The following CCNY variants were observed in gnomAD, a reference collection of about 807,000 sequenced individuals.
CCNY encodes cyclin Y.
A neutral mutation model predicts 42.8 loss-of-function variants in CCNY; 19 were observed. The ratio of observed to expected loss-of-function variants is 0.44; its 90% CI spans 0.31 to 0.65. The LOEUF (loss-of-function observed/expected upper bound fraction) is 0.65. Among genes scored for constraint, CCNY ranks in the 30% least tolerant of loss-of-function variants. The pLI is 0.07. For synonymous variants in CCNY, 165 were observed against 162.7 expected (o/e 1.01, Z -0.11); for missense variants, 370 against 437.3 (o/e 0.85, Z 1.37).
At chr10:35,270,728 C>CT (rs11411285) in intron 3 of CCNY, among the ~76,000 whole-genome samples, 52,610 of 124,680 alleles carry the variant, frequency 0.42, 12,278 homozygotes, top group African/African-American at 0.61. Context: ...TTTTTTTTTT[C>CT]TTTTTTTTTT....
chr10:35,299,980 A>G (rs1356494602), intron 3 of CCNY, among the ~76,000 whole-genome samples: 1 of 152,230 alleles, frequency 6.6e-6, no homozygotes, highest in Non-Finnish European at 1.5e-5. Flanking sequence ...ACCTTCAAAT[A>G]ATATGATGCC....
intron 5 of CCNY, among the ~76,000 whole-genome samples, chr10:35,528,765 T>A (rs948868619): frequency 6.6e-6 from 1 of 152,208 alleles, no homozygotes; most frequent in Non-Finnish European, 1.5e-5. Flanking sequence ...AATGTAGGAA[T>A]GAAAATTGAG....
chr10:35,412,112 A>G (rs1204970355), intron 1 of CCNY, among the ~76,000 whole-genome samples: 4 of 152,130 alleles, frequency 2.6e-5, no homozygotes, highest in Admixed American at 1.3e-4. Context: ...GTTTGCCTCC[A>G]TCTAATTGGC....
intron 3 of CCNY, among the ~76,000 whole-genome samples, chr10:35,273,710 C>T (rs938566563): frequency 1.3e-4 from 20 of 152,276 alleles, no homozygotes; most frequent in Admixed American, 2.6e-4. Context: ...CATCAACTCT[C>T]GCGAACCACT....
chr10:35,499,296 G>A (rs1000616213), intron 2 of CCNY, among the ~76,000 whole-genome samples: 10 of 152,118 alleles, frequency 6.6e-5, no homozygotes, highest in African/African-American at 2.2e-4. Flanking sequence ...CTCACATCGC[G>A]GCAGAGAAGA....
chr10:35,326,225 C>T (rs181585803), intron 3 of CCNY, among the ~76,000 whole-genome samples: 1 of 151,598 alleles, frequency 6.6e-6, no homozygotes, highest in African/African-American at 2.4e-5. Context: ...GAGTGCCTGG[C>T]CTGGAAAATA....
intron 1 of CCNY, among the ~76,000 whole-genome samples, chr10:35,436,173 A>C (rs1589120269): frequency 6.6e-6 from 1 of 152,074 alleles, no homozygotes; most frequent in East Asian, 1.9e-4. Flanking sequence ...CCCAGGAGTG[A>C]CTTGTGGGAC....
chr10:35,437,901 A>C (rs908406746), intron 1 of CCNY, among the ~76,000 whole-genome samples: 1 of 152,192 alleles, frequency 6.6e-6, no homozygotes, highest in Admixed American at 6.5e-5. Flanking sequence ...TAAAATTAAC[A>C]ATACTAAATA....
intron 4 of CCNY, among the ~76,000 whole-genome samples, chr10:35,517,987 C>T (rs189267625): frequency 1.3e-5 from 2 of 152,304 alleles, no homozygotes; most frequent in South Asian, 4.1e-4. Flanking sequence ...TCTGAGGAGC[C>T]CAGAACAGAA....
intron 7 of CCNY, among the ~76,000 whole-genome samples, chr10:35,548,524 C>T (rs1841169205): frequency 6.6e-6 from 1 of 152,034 alleles, no homozygotes; most frequent in African/African-American, 2.4e-5. Flanking sequence ...TCTCGATCTC[C>T]TGACCTTGTG....
intron 3 of CCNY, among the ~76,000 whole-genome samples, chr10:35,331,504 T>C (rs1296525916): frequency 6.6e-6 from 1 of 152,162 alleles, no homozygotes; most frequent in Non-Finnish European, 1.5e-5. Context: ...GCTGTCCCTG[T>C]TTCATCATGC....
chr10:35,314,415 G>A (rs1030909934), intron 3 of CCNY: 1 of 152,050 alleles, frequency 6.6e-6, no homozygotes, highest in Non-Finnish European at 1.5e-5. Flanking sequence ...ACCACCAAGA[G>A]AACAGTATGG....
In CCNY at chr10:35,307,750, A is replaced by ATG. The variant is rs1486313690; in HGVS notation, c.-9+57128_-9+57129dup. On this transcript the variant is annotated intron_variant, in intron 3 of 11. Transcript: ENST00000374706. The stretch of plus-strand genomic sequence containing the variant: ...CATATATGTATATATATACATATTG[A>ATG]TGTGTATATATGTGTGTGTGTGTGT... Among the ~76,000 whole-genome samples the ATG allele has an allele frequency of 1.5e-4, 20 of 132,376 alleles. No individual in the cohort carries two copies. In the South Asian group the frequency reaches 2.0e-3, roughly 13 times the overall value. 86.8% of individuals were successfully genotyped at this position (132,376 alleles called of 152,430 possible).
chr10:35,275,567 TC>T (rs1835228432), intron 3 of CCNY, among the ~76,000 whole-genome samples: 1 of 151,364 alleles, frequency 6.6e-6, no homozygotes, highest in Non-Finnish European at 1.5e-5. Context: ...ATCAAGACCA[TC>T]CCGGCTAACA....
chr10:35,351,127 C>T (rs1375808974), intron 1 of CCNY, among the ~76,000 whole-genome samples: 1 of 152,182 alleles, frequency 6.6e-6, no homozygotes, highest in African/African-American at 2.4e-5. Context: ...GTTTTCAACA[C>T]TGCTATTACA....
intron 1 of CCNY, among the ~76,000 whole-genome samples, chr10:35,458,397 A>G (rs1589134047): frequency 6.6e-6 from 1 of 152,260 alleles, no homozygotes; most frequent in South Asian, 2.1e-4. Flanking sequence ...AAGATTCTGA[A>G]CTGAGGATAT....
rs185881094 is a variant in CCNY, at chr10:35,266,996, C to T, written c.-9+16370C>T. Among the ~76,000 whole-genome samples the T allele has an allele frequency of 3.7e-4, 56 of 151,370 alleles. 1 individual carries two copies. Among genetic ancestry groups the T allele is most frequent in the Admixed American group, 3.7e-3 (56 of 15,152 alleles). On this transcript the variant is annotated intron_variant, in intron 3 of 11. Coordinates refer to the CCNY transcript ENST00000374706. ...ACTCAGGAGGCTGAGGCAGGAGAAT[C>T]GCTTGTACCTGGGAGGCGGAGGGTG...
intron 8 of CCNY, among the ~76,000 whole-genome samples, chr10:35,561,806 G>A (rs915892944): frequency 3.3e-5 from 5 of 152,234 alleles, no homozygotes; most frequent in South Asian, 4.1e-4. Context: ...GTGCAGCTGC[G>A]TATCTGTGGG....
chr10:35,491,691 G>A (rs1443328234), intron 2 of CCNY, among the ~76,000 whole-genome samples: 1 of 152,094 alleles, frequency 6.6e-6, no homozygotes, highest in African/African-American at 2.4e-5. Flanking sequence ...TCGGCTCACT[G>A]CATGCTCTGC....
Sources: allele counts gnomAD v4.1 joint callset (sites outside exome capture counted in the v4.1 genomes callset), GRCh38; gene constraint gnomAD v4.1.1; transcripts MANE v1.5; gene names NCBI Gene and HGNC (gene_info 2026-07-23, HGNC 2026-07-21).